The following ST7L variants were observed in gnomAD, a reference collection of about 807,000 sequenced individuals.
ST7L encodes the protein suppression of tumorigenicity 7 like.
A neutral mutation model predicts 72.5 loss-of-function variants in ST7L; 57 were observed. The ratio of observed to expected loss-of-function variants is 0.79; its 90% CI spans 0.64 to 0.98. The LOEUF (loss-of-function observed/expected upper bound fraction) is 0.98. Ranked by LOEUF, ST7L falls within the 50% of genes least tolerant of loss-of-function variation. The pLI is 0.00. For missense variants in ST7L, 576 were observed against 672.2 expected, an observed-to-expected ratio of 0.86 and a Z score of 1.58; for synonymous variants, 221 against 240.9, an observed-to-expected ratio of 0.92 and a Z score of 0.77.
intron 3 of ST7L, among the ~76,000 whole-genome samples, chr1:112,608,801 C>G (rs930375294): frequency 1.3e-5 from 2 of 152,178 alleles, no homozygotes; most frequent in Admixed American, 6.5e-5. Flanking sequence ...CCCCACCCCA[C>G]TATTCCTAGT....
At chr1:112,527,020 C>A (rs988535972) in intron 14 of ST7L, 1 of 152,242 alleles carries the variant, frequency 6.6e-6, no homozygotes, top group Non-Finnish European at 1.5e-5. Flanking sequence ...CAAACACTTG[C>A]TGCTCTCAAC....
intron 2 of ST7L, 26 bp from the exon 3 acceptor site, chr1:112,611,029 A>C: frequency 6.2e-7 from 1 of 1,609,460 alleles, no homozygotes; most frequent in Non-Finnish European, 8.5e-7. Flanking sequence ...AATATCCTGC[A>C]CTTAGAATCG....
At position 112,543,376 on chromosome 1, in the gene ST7L, C is replaced by T. The variant is rs1483846916; in HGVS notation, c.1490-1286G>A. ...CATCCTGGCCAACATGGTGAAACCC[C>T]GTCTCTACTAAAAATATAAAAATTA... On this transcript the variant is annotated intron_variant, in intron 13 of 14. Transcript: ENST00000358039. 2.6e-5 allele frequency among the ~76,000 whole-genome samples: 4 copies of T among 152,102 alleles called. No individual in the cohort carries two copies. The East Asian group carries it at 5.8e-4, about 22-fold the overall frequency.
chr1:112,575,024 G>A (rs189047147), intron 11 of ST7L, among the ~76,000 whole-genome samples: 117 of 152,130 alleles, frequency 7.7e-4, no homozygotes, highest in African/African-American at 2.7e-3. Context: ...GGATCACAAG[G>A]TCAGGAGATC....
At chr1:112,518,850 A>T (rs530542958), downstream of ST7L, among the ~76,000 whole-genome samples, 7 of 152,334 alleles carry the variant, frequency 4.6e-5, no homozygotes, top group South Asian at 8.3e-4. Context: ...AAAGCAATAG[A>T]GTCCAATTGA....
intron 11 of ST7L, among the ~76,000 whole-genome samples, chr1:112,575,616 T>C (rs945190497): frequency 6.6e-6 from 1 of 152,136 alleles, no homozygotes; most frequent in Non-Finnish European, 1.5e-5. Context: ...GGATGAGTCA[T>C]GTACTAGCCT....
At chr1:112,563,719 T>A (rs1660525628) in intron 11 of ST7L, among the ~76,000 whole-genome samples, 1 of 152,190 alleles carries the variant, frequency 6.6e-6, no homozygotes, top group Admixed American at 6.5e-5. Context: ...AAAGACATAA[T>A]GATGTATGGT....
intron 3 of ST7L, among the ~76,000 whole-genome samples, chr1:112,605,417 G>A (rs149484792): frequency 6.6e-6 from 1 of 151,512 alleles, no homozygotes; most frequent in Non-Finnish European, 1.5e-5. Context: ...GAGGCCAAGT[G>A]TGGTGGCTCA....
At chr1:112,520,167 T>C (rs1038266329), downstream of ST7L, 2 of 1,039,596 alleles carry the variant, frequency 1.9e-6, no homozygotes, top group Admixed American at 4.1e-5. Flanking sequence ...TGAGCCACTG[T>C]GCCCAGCCCA....
chr1:112,556,985 C>CAAA (rs1196828305), intron 11 of ST7L, among the ~76,000 whole-genome samples: 7 of 82,112 alleles, frequency 8.5e-5, no homozygotes, highest in African/African-American at 2.5e-4. Flanking sequence ...AAAAAAAAAA[C>CAAA]AAAAAAAAAA....
intron 6 of ST7L, among the ~76,000 whole-genome samples, chr1:112,588,997 T>A (rs1332494103): frequency 6.6e-6 from 1 of 152,184 alleles, no homozygotes; most frequent in Non-Finnish European, 1.5e-5. Flanking sequence ...CACTGGTTCT[T>A]GCTTCTGTCT....
Position 112,577,030 on chromosome 1 carries a change from C to T in ST7L, c.1201G>A (p.Glu401Lys). The T allele has an allele frequency of 6.2e-7, 1 of 1,610,676 alleles. No individual in the cohort carries two copies. The highest frequency in any genetic ancestry group is 8.5e-7 in the Non-Finnish European group (1 of 1,177,944). ...GLSTAEINAV[E>K]AIHRAVEFNP... ...AATTCCACAGCTCTATGAATTGCTT[C>T]CACGGCATTAATTTCTGCTGTGCTT... Residue 401 changes from glutamate to lysine, a missense_variant, in exon 11 of 15, where the codon GAA (glutamate) becomes AAA (lysine). Glu to Lys is a moderately conservative substitution (Grantham distance 56, BLOSUM62 1). Coordinates refer to ENST00000358039, the MANE Select transcript of ST7L (RefSeq NM_017744.5).
Position 112,583,958 on chromosome 1 carries a change from T to TCAAACTTGCTTACTCAGTTGAGCTTCATG in ST7L, c.841_856+13dup. ...ATGCTAAAAGACAGTAATAACCAGTTCAAACTTGCTTACTCAGTTGAGCTT... is the reference window on the plus strand; with the variant it reads ...ATGCTAAAAGACAGTAATAACCAGTTCAAACTTGCTTACTCAGTTGAGCTTCATGCAAACTTGCTTACTCAGTTGAGCTT... On this transcript the variant is annotated intron_variant, in intron 7 of 14. Transcript: ENST00000358039. 1 of 1,611,514 alleles carries TCAAACTTGCTTACTCAGTTGAGCTTCATG rather than the reference T, an allele frequency of 6.2e-7. No individual in the cohort carries two copies. Among genetic ancestry groups the TCAAACTTGCTTACTCAGTTGAGCTTCATG allele is most frequent in the Non-Finnish European group, 8.5e-7 (1 of 1,179,060 alleles).
Position 112,555,801 on chromosome 1 carries a change from A to G in ST7L, c.1396+67T>C. On this transcript the variant is annotated intron_variant, in intron 12 of 14. Transcript: ENST00000358039. ...TGGAAACCCAGACAATCTCATTTAA[A>G]AAGACTGCCTGTGAATTCAATGAAT... is the stretch of plus-strand genomic sequence containing the variant. 3.0e-6 allele frequency: 4 copies of G among 1,338,650 alleles called. No individual in the cohort carries two copies. The South Asian group carries it at 9.2e-5, about 31-fold the overall frequency. The allele number at this position is 1,338,650 out of a possible 1,614,324, so 82.9% of individuals were successfully genotyped here.
chr1:112,569,968 A>C (rs966369044), intron 11 of ST7L, among the ~76,000 whole-genome samples: 18 of 151,500 alleles, frequency 1.2e-4, no homozygotes, highest in African/African-American at 2.7e-4. Flanking sequence ...AAAAAAAAAA[A>C]AAAAAACAAA....
intron 14 of ST7L, among the ~76,000 whole-genome samples, chr1:112,532,331 T>C (rs1654520844): frequency 6.6e-6 from 1 of 152,248 alleles, no homozygotes; most frequent in African/African-American, 2.4e-5. Flanking sequence ...GTGGCTGTAC[T>C]CTTGATAGGA....
intron 2 of ST7L, among the ~76,000 whole-genome samples, chr1:112,614,783 C>CA (rs1669612984): frequency 6.6e-6 from 1 of 151,662 alleles, no homozygotes; most frequent in African/African-American, 2.4e-5. Flanking sequence ...TCTGTCTCTA[C>CA]AAAAAATAAA....
rs1264557939 is a variant in ST7L at position 112,525,934 on chromosome 1, G to A, written c.*79C>T. ...GTAATCCTCACAACAACCCTGTGAG[G>A]TAGGGGTTACTGTCACTTTACAGAT... On this transcript the variant is annotated 3_prime_UTR_variant, in exon 15 of 15. Coordinates refer to ENST00000358039, the MANE Select transcript of ST7L (RefSeq NM_017744.5). 6.3e-7 allele frequency: 1 copy of A among 1,588,688 alleles called. No individual in the cohort carries two copies. Among genetic ancestry groups the A allele is most frequent in the African/African-American group, 1.3e-5 (1 of 74,386 alleles).
chr1:112,603,041 A>T (rs1338945473), intron 3 of ST7L, among the ~76,000 whole-genome samples: 1 of 152,034 alleles, frequency 6.6e-6, no homozygotes, highest in Non-Finnish European at 1.5e-5. Context: ...TTAAAAATGA[A>T]CTGAGTCTGT....
Sources: gnomAD v4.1 joint callset for allele counts (sites outside exome capture counted in the v4.1 genomes callset) on GRCh38, gnomAD v4.1.1 for gene constraint, MANE v1.5 for transcripts, NCBI Gene and HGNC (gene_info 2026-07-23, HGNC 2026-07-21) for gene names.